Variants in TEX15 observed in about 807,000 individuals in gnomAD.
The protein encoded by TEX15 is testis-expressed protein 15.
A neutral mutation model predicts 237.3 loss-of-function variants in TEX15; 171 were observed. The ratio of observed to expected loss-of-function variants is 0.72; its 90% CI spans 0.64 to 0.82. TEX15 has a LOEUF of 0.82. Ranked by LOEUF, TEX15 falls within the 40% of genes least tolerant of loss-of-function variation. TEX15 has a pLI of 0.00. For synonymous variants in TEX15, 1,338 were observed against 1,269.8 expected (o/e 1.05, Z -1.14); for missense variants, 3,750 against 3,646.5 (o/e 1.03, Z -0.73).
Position 30,842,849 on chromosome 8 carries a change from C to T in TEX15, c.7318G>A (p.Glu2440Lys), listed in dbSNP as rs1563232357. 6.2e-7 allele frequency: 1 copy of T among 1,612,426 alleles called. No individual in the cohort carries two copies. Among genetic ancestry groups the T allele is most frequent in the East Asian group, 2.2e-5 (1 of 44,812 alleles). The change falls in exon 8 of 11, where the codon GAA becomes AAA. Residue 2440 changes from glutamate to lysine, a missense_variant. By Grantham distance (56) the Glu-to-Lys change is moderately conservative. Transcript: ENST00000643185. ...ATTTCAATATACATTTCAATAGCTT[C>T]AGGCTTTAAAATGATAGCCTCATGG... is the stretch of plus-strand genomic sequence containing the variant. Reference protein sequence around the residue: ...HSHEAIILKPEAIEMYIEIVM... With the variant: ...HSHEAIILKPKAIEMYIEIVM...
At chr8:30,888,713 A>C (rs771791769) in intron 2 of TEX15, 35 of 1,183,360 alleles carry the variant, frequency 3.0e-5, no homozygotes, top group Non-Finnish European at 3.8e-5. Flanking sequence ...ATCCAAATTA[A>C]AAGATGCTAA....
intron 5 of TEX15, among the ~76,000 whole-genome samples, chr8:30,862,871 G>C (rs59994210): frequency 6.6e-6 from 1 of 152,048 alleles, no homozygotes; most frequent in Non-Finnish European, 1.5e-5. Context: ...TCTGCTATGA[G>C]ACTTTTTAAG....
intron 7 of TEX15, among the ~76,000 whole-genome samples, chr8:30,851,545 C>T (rs545670594): frequency 2.0e-5 from 3 of 151,530 alleles, no homozygotes; most frequent in Non-Finnish European, 4.4e-5. Context: ...GCAGGAGAAT[C>T]GCCTTGAACC....
rs769411413 is a variant in TEX15, at chr8:30,842,445, G to A, written c.7722C>T (p.Ser2574=). 6 of 1,613,444 alleles carry A rather than the reference G, an allele frequency of 3.7e-6. No homozygotes were observed. Among genetic ancestry groups the A allele is most frequent in the Non-Finnish European group, 5.1e-6 (6 of 1,179,754 alleles). The stretch of plus-strand genomic sequence containing the variant: ...CTGTCACAGTGCTTCCATAATTTAT[G>A]GATGCTATATATGGCACAAAGTCAA... ...TYIDFVPYIA[S]INYGSTVTEL... is the part of the protein sequence containing the mutation. The change falls in exon 8 of 11, where the codon TCC becomes TCT. Residue 2574 remains serine (S), a synonymous_variant. Transcript: ENST00000643185.
At chr8:30,860,750 A>G (rs1022690124) in intron 5 of TEX15, among the ~76,000 whole-genome samples, 1 of 151,688 alleles carries the variant, frequency 6.6e-6, no homozygotes, top group African/African-American at 2.4e-5. Flanking sequence ...GGGTTTTGCC[A>G]TGTTGGCCAG....
chr8:30,847,568 C>T lies in TEX15; in HGVS notation c.2599G>A (p.Ala867Thr), dbSNP rs1379221141. 1 of 1,612,792 alleles carries T rather than the reference C, an allele frequency of 6.2e-7. No individual in the cohort carries two copies. The highest frequency in any genetic ancestry group is 1.1e-5 in the South Asian group (1 of 90,918). ...ACACATGAAGCACTATTCTCTTTAG[C>T]CTCATTTTGGTTTTCTCTATCTGTT... ...KQTDRENQNE[A>T]KENSASCVEN... Residue 867 changes from alanine to threonine, a missense_variant, in exon 8 of 11, where the codon GCT becomes ACT. Physicochemically the swap from Ala to Thr is moderately conservative, Grantham distance 58. Coordinates refer to ENST00000643185, the MANE Select transcript of TEX15 (RefSeq NM_001350162.2).
intron 5 of TEX15, among the ~76,000 whole-genome samples, chr8:30,865,667 T>C (rs999941104): frequency 2.0e-5 from 3 of 152,174 alleles, no homozygotes; most frequent in Non-Finnish European, 4.4e-5. Flanking sequence ...ATAAACGTGA[T>C]AGATCACATC....
intron 5 of TEX15, among the ~76,000 whole-genome samples, chr8:30,861,988 T>C (rs1563254426): frequency 6.6e-6 from 1 of 152,264 alleles, no homozygotes; most frequent in Middle Eastern, 3.4e-3. Context: ...AAAAGTTTTT[T>C]TTAAAGTTCA....
At chr8:30,903,378 G>C (rs73588057) in intron 1 of TEX15, among the ~76,000 whole-genome samples, 5 of 152,320 alleles carry the variant, frequency 3.3e-5, no homozygotes, top group Admixed American at 2.0e-4. Context: ...GGGGCCCCCA[G>C]GGGTTAGGAC....
At position 30,849,030 on chromosome 8, in the gene TEX15, T is replaced by C. The variant is rs1807704424; in HGVS notation, c.1137A>G (p.Ser379=). The change falls in exon 8 of 11, where the codon TCA becomes TCG. Residue 379 remains serine (S), a synonymous_variant. Transcript: ENST00000643185. ...RDTSQVLAHD[S]DISLMPSDAK... ...CATCACTGGGCATAAGTGAAATGTC[T>C]GAATCATGTGCAAGTACTTGAGAAG... 6.2e-7 allele frequency: 1 copy of C among 1,614,170 alleles called. No homozygotes were observed.
chr8:30,902,400 G>C (rs138424175), intron 1 of TEX15, among the ~76,000 whole-genome samples: 2 of 151,960 alleles, frequency 1.3e-5, no homozygotes, highest in South Asian at 2.1e-4. Flanking sequence ...GGGCAGGAAG[G>C]GGGGAAGATA....
intron 2 of TEX15, among the ~76,000 whole-genome samples, chr8:30,894,115 A>C (rs1372888624): frequency 6.6e-6 from 1 of 152,200 alleles, no homozygotes; most frequent in Non-Finnish European, 1.5e-5. Context: ...GGTTCTTAAA[A>C]AAATCTGCTT....
At chr8:30,891,486 C>T (rs941664816) in intron 2 of TEX15, among the ~76,000 whole-genome samples, 1 of 152,044 alleles carries the variant, frequency 6.6e-6, no homozygotes, top group Non-Finnish European at 1.5e-5. Flanking sequence ...CCCGCACCCC[C>T]CCTTTTTTTT....
intron 1 of TEX15, among the ~76,000 whole-genome samples, chr8:30,906,013 G>A (rs369959304): frequency 6.6e-6 from 1 of 151,568 alleles, no homozygotes. Context: ...TTCTTCATAC[G>A]TAAAATGGGA....
In TEX15 at chr8:30,875,009, T is replaced by G. The variant is rs1166879344; in HGVS notation, c.230A>C (p.Gln77Pro). 1 of 1,394,814 alleles carries G rather than the reference T, an allele frequency of 7.2e-7. No homozygotes were observed. The highest frequency in any genetic ancestry group is 2.6e-5 in the East Asian group (1 of 37,862). 86.4% of individuals were successfully genotyped at this position (1,394,814 alleles called of 1,614,324 possible). Reference sequence around the variant, plus strand: ...TGTATCCCCAAACTGCCATAACGACTGCAGATCACAGTTTACATCAAGCCT... The same window carrying G: ...TGTATCCCCAAACTGCCATAACGACGGCAGATCACAGTTTACATCAAGCCT... ...QCRLDVNCDLQSLWQFGDTKL... is the reference protein window; with the variant it reads ...QCRLDVNCDLPSLWQFGDTKL... Residue 77 changes from glutamine (Q) to proline (P), a missense_variant, in exon 4 of 11, where the codon CAG becomes CCG. Coordinates refer to ENST00000643185, the MANE Select transcript of TEX15 (RefSeq NM_001350162.2).
chr8:30,896,218 T>C (rs1220057041), intron 2 of TEX15, among the ~76,000 whole-genome samples: 3 of 152,192 alleles, frequency 2.0e-5, no homozygotes, highest in African/African-American at 7.2e-5. Flanking sequence ...TTCTGGGTTA[T>C]CTCCATCCTC....
At chr8:30,880,140 T>C (rs1043774970) in intron 3 of TEX15, among the ~76,000 whole-genome samples, 1 of 152,148 alleles carries the variant, frequency 6.6e-6, no homozygotes, top group African/African-American at 2.4e-5. Context: ...GGGATTCTCA[T>C]GACTCACCCT....
chr8:30,877,304 T>C (rs1036058923), intron 3 of TEX15, among the ~76,000 whole-genome samples: 1 of 152,202 alleles, frequency 6.6e-6, no homozygotes, highest in Non-Finnish European at 1.5e-5. Flanking sequence ...TTGTGAATTT[T>C]ACCAAGTAGG....
At chr8:30,875,575 C>A (rs1808383118) in intron 3 of TEX15, among the ~76,000 whole-genome samples, 1 of 152,160 alleles carries the variant, frequency 6.6e-6, no homozygotes, top group Non-Finnish European at 1.5e-5. Flanking sequence ...AGGAAACAGA[C>A]TTTCTTAGGA....
Sources: gnomAD v4.1 joint callset for allele counts (sites outside exome capture counted in the v4.1 genomes callset) on GRCh38, gnomAD v4.1.1 for gene constraint, MANE v1.5 for transcripts, NCBI Gene and HGNC (gene_info 2026-07-23, HGNC 2026-07-21) for gene names.